FAM184B: variants seen among roughly 807,000 people sequenced by gnomAD.
FAM184B encodes the protein protein FAM184B.
FAM184B carries 111 observed loss-of-function variants against 135.9 expected under a neutral mutation model. That is an observed-to-expected ratio of 0.82 (90% CI 0.70 to 0.96). FAM184B has a LOEUF of 0.96. Ranked by LOEUF, FAM184B falls within the 40% of genes least tolerant of loss-of-function variation. The pLI, the probability that FAM184B is intolerant of heterozygous loss-of-function variation, is 0.00. For missense variants in FAM184B, 1,375 were observed against 1,323.9 expected, an observed-to-expected ratio of 1.04 and a Z score of -0.60; for synonymous variants, 552 against 524.8, an observed-to-expected ratio of 1.05 and a Z score of -0.71.
At chr4:17,685,558 CAAAA>C (rs11350244) in intron 7 of FAM184B, among the ~76,000 whole-genome samples, 3 of 86,738 alleles carry the variant, frequency 3.5e-5, no homozygotes, top group African/African-American at 4.6e-5. Context: ...GACTCTGTCT[CAAAA>C]AAAAAAAAAA....
intron 6 of FAM184B, among the ~76,000 whole-genome samples, chr4:17,691,434 C>T (rs977884356): frequency 3.3e-5 from 5 of 152,142 alleles, no homozygotes; most frequent in African/African-American, 1.2e-4. Flanking sequence ...GCCTGTAATC[C>T]CAGCACTTCG....
chr4:17,715,560 G>C (rs1717386622), intron 1 of FAM184B, among the ~76,000 whole-genome samples: 1 of 152,032 alleles, frequency 6.6e-6, no homozygotes, highest in African/African-American at 2.4e-5. Context: ...ATAAATTCAA[G>C]AGATCTTTCA....
At chr4:17,742,525 C>A (rs1297308866) in intron 1 of FAM184B, among the ~76,000 whole-genome samples, 1 of 152,056 alleles carries the variant, frequency 6.6e-6, no homozygotes, top group African/African-American at 2.4e-5. Context: ...CAAATGTTGC[C>A]TTTTTGGCCT....
chr4:17,729,222 G>A (rs1478589151), intron 1 of FAM184B, among the ~76,000 whole-genome samples: 1 of 152,236 alleles, frequency 6.6e-6, no homozygotes, highest in African/African-American at 2.4e-5. Flanking sequence ...CATTGCCCAG[G>A]CTTGATTAGG....
intron 9 of FAM184B, 45 bp downstream of exon 9, chr4:17,659,913 G>A (rs1213808347): frequency 1.3e-6 from 2 of 1,545,600 alleles, no homozygotes; most frequent in South Asian, 2.4e-5. Flanking sequence ...AAAGGAGGGG[G>A]CAGGATCTCA....
At chr4:17,667,268 C>G (rs768506618) in intron 7 of FAM184B, among the ~76,000 whole-genome samples, 3 of 152,150 alleles carry the variant, frequency 2.0e-5, no homozygotes, top group Non-Finnish European at 4.4e-5. Flanking sequence ...TCTTCCCCCA[C>G]TTTACATCCC....
Position 17,635,111 on chromosome 4 carries a change from T to G in FAM184B, c.2787A>C (p.Glu929Asp). ...ATGCTGCGTAGTGAAATCTTCTCTC[T>G]TCCTAGAAAACCAATACAACTGAGT... is the stretch of plus-strand genomic sequence containing the variant. The part of the protein sequence containing the change: ...EREDIIKQLT[E>D]ERRFHYAAFP... Residue 929 changes from glutamate (E) to aspartate (D), a missense_variant and splice_region_variant, in exon 16 of 18, where the codon GAA (glutamate) becomes GAC (aspartate). By Grantham distance (45) the Glu-to-Asp change is conservative. Transcript: ENST00000265018. 1 of 1,551,094 alleles carries G rather than the reference T, an allele frequency of 6.4e-7. No homozygotes were observed. Among genetic ancestry groups the G allele is most frequent in the Non-Finnish European group, 8.7e-7 (1 of 1,146,474 alleles).
At chr4:17,651,643 C>T (rs944738534) in intron 11 of FAM184B, among the ~76,000 whole-genome samples, 2 of 151,172 alleles carry the variant, frequency 1.3e-5, no homozygotes, top group South Asian at 2.1e-4. Context: ...ATTTGAAGCA[C>T]TTCTCATGCA....
At chr4:17,646,869 G>A (rs1172633435) in intron 12 of FAM184B, among the ~76,000 whole-genome samples, 4 of 152,158 alleles carry the variant, frequency 2.6e-5, no homozygotes, top group Non-Finnish European at 4.4e-5. Flanking sequence ...GGATGTGCAG[G>A]GAAGGGGCTG....
intron 1 of FAM184B, among the ~76,000 whole-genome samples, chr4:17,743,427 G>A (rs990971855): frequency 3.9e-5 from 6 of 152,178 alleles, no homozygotes; most frequent in South Asian, 2.1e-4. Flanking sequence ...TGGCTGCTGC[G>A]TTGAGAGCAG....
At chr4:17,652,213 C>T (rs1376010929) in intron 11 of FAM184B, among the ~76,000 whole-genome samples, 1 of 149,750 alleles carries the variant, frequency 6.7e-6, no homozygotes, top group Non-Finnish European at 1.5e-5. Flanking sequence ...CAAGCTCTGC[C>T]TCCCGGGTTC....
chr4:17,653,933 G>GAGAGGGAGGGA (rs1436881591), intron 10 of FAM184B, among the ~76,000 whole-genome samples: 29 of 1,368 alleles, frequency 0.021, no homozygotes, highest in Admixed American at 0.029. Flanking sequence ...AGGGGGAGGG[G>GAGAGGGAGGGA]GATTTGAAGC....
intron 15 of FAM184B, among the ~76,000 whole-genome samples, chr4:17,635,401 A>C (rs1214812176): frequency 2.0e-5 from 3 of 152,012 alleles, no homozygotes; most frequent in African/African-American, 7.2e-5. Flanking sequence ...GTTAGTAATT[A>C]AGGCAAAGAA....
At position 17,635,000 on chromosome 4, in the gene FAM184B, C is replaced by A. The variant is rs778477202; in HGVS notation, c.2889+9G>T. The A allele has an allele frequency of 2.7e-5, 41 of 1,545,270 alleles. No individual in the cohort carries two copies. The African/African-American group carries it at 5.5e-4, about 21-fold the overall frequency. On this transcript the variant is annotated intron_variant, in intron 16 of 17. Coordinates refer to ENST00000265018, the MANE Select transcript of FAM184B (RefSeq NM_015688.2). ...GTATAATGCATTAAAACCATTAGAA[C>A]CAATTTACCTTCATGGAAGGGGTCA...
At chr4:17,739,623 G>C (rs1225271802) in intron 1 of FAM184B, among the ~76,000 whole-genome samples, 1 of 135,836 alleles carries the variant, frequency 7.4e-6, no homozygotes, top group African/African-American at 2.8e-5. Flanking sequence ...GCGCCATCTT[G>C]GCTCACCGGC....
chr4:17,775,906 T>C (rs1718915176), intron 1 of FAM184B, among the ~76,000 whole-genome samples: 2 of 152,226 alleles, frequency 1.3e-5, no homozygotes, highest in Non-Finnish European at 2.9e-5. Flanking sequence ...ATGTATCCTA[T>C]TCGTGTGATG....
chr4:17,742,626 C>A (rs1718069731), intron 1 of FAM184B, among the ~76,000 whole-genome samples: 1 of 152,134 alleles, frequency 6.6e-6, no homozygotes, highest in Non-Finnish European at 1.5e-5. Flanking sequence ...AGCAGCTGAG[C>A]CGCGAGCAGA....
chr4:17,764,752 C>G (rs989440589), intron 1 of FAM184B, among the ~76,000 whole-genome samples: 5 of 147,414 alleles, frequency 3.4e-5, no homozygotes, highest in Non-Finnish European at 7.4e-5. Flanking sequence ...TGCAGCATCA[C>G]CTGGGAGCTT....
At chr4:17,656,804 A>T (rs1715786980) in intron 10 of FAM184B, among the ~76,000 whole-genome samples, 1 of 152,172 alleles carries the variant, frequency 6.6e-6, no homozygotes, top group Admixed American at 6.5e-5. Flanking sequence ...GCAGCCTCCT[A>T]GTCCTTTCCT....
Sources: gnomAD v4.1 joint callset for allele counts (sites outside exome capture counted in the v4.1 genomes callset) on GRCh38, gnomAD v4.1.1 for gene constraint, MANE v1.5 for transcripts, NCBI Gene and HGNC (gene_info 2026-07-23, HGNC 2026-07-21) for gene names.